PRRC2C: variants seen among roughly 807,000 people sequenced by gnomAD.
PRRC2C encodes the protein proline rich coiled-coil 2C.
In PRRC2C, 72 loss-of-function variants were observed where a neutral mutation model predicts 317.2. The observed-to-expected ratio is 0.23, with a 90% CI of 0.19 to 0.28. PRRC2C has a LOEUF of 0.28. Ranked by LOEUF, PRRC2C falls within the 10% of genes least tolerant of loss-of-function variation. The probability of loss-of-function intolerance (pLI) is 1.00; values close to 1 mark genes in which losing one functional copy is unlikely to be tolerated. For missense variants in PRRC2C, 3,074 were observed against 3,459.7 expected, an observed-to-expected ratio of 0.89 and a Z score of 2.80; for synonymous variants, 1,296 against 1,205.9, an observed-to-expected ratio of 1.07 and a Z score of -1.55.
Position 171,532,934 on chromosome 1 carries a change from C to G in PRRC2C, c.1846C>G (p.Gln616Glu), listed in dbSNP as rs1676135403. ...EPNLEPMVEKQESENSCNKEE... is the reference protein window; with the variant it reads ...EPNLEPMVEKEESENSCNKEE... Reference sequence around the variant, plus strand: ...TAATTTAGAGCCCATGGTAGAAAAACAAGAAAGTGAAAACAGCTGTAATAA... The same window carrying G: ...TAATTTAGAGCCCATGGTAGAAAAAGAAGAAAGTGAAAACAGCTGTAATAA... The change falls in exon 12 of 35, where the codon CAA becomes GAA. Residue 616 changes from glutamine (Q) to glutamate (E), a missense_variant. Physicochemically the swap from Gln to Glu is conservative, Grantham distance 29. This residue lies in a region of PRRC2C where 1,320 missense variants were observed against 1,395.7 expected (regional missense o/e 0.95). Transcript: ENST00000647382. 6.4e-7 allele frequency: 1 copy of G among 1,561,204 alleles called. No homozygotes were observed. The highest frequency in any genetic ancestry group is 1.4e-5 in the African/African-American group (1 of 71,962).
chr1:171,541,687 A>C lies in PRRC2C; in HGVS notation c.4221A>C (p.Arg1407=). The part of the protein sequence containing the change: ...EQFIPIAADK[R]PPKFERKFDP... Reference sequence around the variant, plus strand: ...TTATTCCTATAGCAGCAGATAAACGACCTCCAAAATTTGAGCGAAAATTTG... The same window carrying C: ...TTATTCCTATAGCAGCAGATAAACGCCCTCCAAAATTTGAGCGAAAATTTG... Residue 1407 remains arginine (R), a synonymous_variant, in exon 16 of 35, where the codon CGA becomes CGC. Coordinates refer to ENST00000647382, the MANE Select transcript of PRRC2C (RefSeq NM_001387844.1). This position sits in a 1 kb window ranked among gnomAD's most constrained non-coding sequence, Gnocchi z 4.1. 6.2e-7 allele frequency: 1 copy of C among 1,613,834 alleles called. No individual in the cohort carries two copies. Among genetic ancestry groups the C allele is most frequent in the Non-Finnish European group, 8.5e-7 (1 of 1,179,862 alleles).
chr1:171,512,306 G>T (rs780839729), intron 2 of PRRC2C, 106 bp downstream of exon 2: 1 of 806,034 alleles, frequency 1.2e-6, no homozygotes, highest in Non-Finnish European at 2.1e-6. Context: ...TTAATACAAT[G>T]CTATTTACAT....
Position 171,591,883 on chromosome 1 carries a change from CG to C in PRRC2C, c.*39del. On this transcript the variant is annotated 3_prime_UTR_variant, in exon 35 of 35. Transcript: ENST00000647382. ...TTATTGCAGGGGATTGGGAGGGGGG[CG>C]GGAAAACATGGAGAATTAAGTCAGA... 1.8e-6 allele frequency: 2 copies of C among 1,126,344 alleles called. No homozygotes were observed. Among genetic ancestry groups the C allele is most frequent in the Non-Finnish European group, 1.2e-6 (1 of 856,596 alleles). The allele number at this position is 1,126,344 out of a possible 1,614,324, so 69.8% of individuals were successfully genotyped here.
At chr1:171,579,530 A>G (rs1648026109) in intron 27 of PRRC2C, 64 bp downstream of exon 27, 1 of 1,555,856 alleles carries the variant, frequency 6.4e-7, no homozygotes, top group Non-Finnish European at 8.7e-7. Context: ...TATAATAGTT[A>G]TCTTGGAACA....
chr1:171,508,751 T>C (rs1425623512), intron 1 of PRRC2C, among the ~76,000 whole-genome samples: 1 of 152,250 alleles, frequency 6.6e-6, no homozygotes, highest in East Asian at 1.9e-4. Flanking sequence ...CTTACTAACA[T>C]TTCTCTAGTG....
intron 34 of PRRC2C, among the ~76,000 whole-genome samples, chr1:171,589,991 T>C (rs966348677): frequency 2.7e-5 from 4 of 150,882 alleles, no homozygotes; most frequent in Non-Finnish European, 5.9e-5. Context: ...TTCTTTTTTT[T>C]TTTTTTTTTA....
Position 171,572,462 on chromosome 1 carries a change from A to G in PRRC2C, c.6753+1041A>G, listed in dbSNP as rs144400607. On this transcript the variant is annotated intron_variant, in intron 24 of 34. Transcript: ENST00000647382. Reference sequence around the variant, plus strand: ...TTTGTTGTTCTACAGTGTGGCCAATATTCATTTTGGACTCATATTACTTTT... The same window carrying G: ...TTTGTTGTTCTACAGTGTGGCCAATGTTCATTTTGGACTCATATTACTTTT... 1.9e-4 allele frequency among the ~76,000 whole-genome samples: 29 copies of G among 152,288 alleles called. No homozygotes were observed. The East Asian group carries it at 5.2e-3, about 27-fold the overall frequency.
chr1:171,527,424 C>T (rs1322788814), intron 10 of PRRC2C, among the ~76,000 whole-genome samples: 1 of 152,100 alleles, frequency 6.6e-6, no homozygotes, highest in Admixed American at 6.6e-5. Context: ...TGAATCACCG[C>T]ACCCAGCAGA....
At chr1:171,487,433 C>T (rs1018812963) in intron 1 of PRRC2C, among the ~76,000 whole-genome samples, 2 of 152,058 alleles carry the variant, frequency 1.3e-5, no homozygotes, top group African/African-American at 4.8e-5. Context: ...TTTAGCTTGA[C>T]TAGTATATGA....
chr1:171,525,743 G>A (rs1355328082), intron 10 of PRRC2C, among the ~76,000 whole-genome samples: 2 of 152,188 alleles, frequency 1.3e-5, no homozygotes, highest in Non-Finnish European at 2.9e-5. Flanking sequence ...AGAAGACTAA[G>A]TACTTGAGCT....
At chr1:171,535,204 T>C (rs974013894) in intron 12 of PRRC2C, among the ~76,000 whole-genome samples, 2 of 152,184 alleles carry the variant, frequency 1.3e-5, no homozygotes, top group Non-Finnish European at 2.9e-5. Flanking sequence ...TTTGGATCTC[T>C]GCTCTCCATC....
intron 10 of PRRC2C, among the ~76,000 whole-genome samples, chr1:171,525,794 A>G (rs970448282): frequency 6.6e-6 from 1 of 152,208 alleles, no homozygotes; most frequent in South Asian, 2.1e-4. Flanking sequence ...TAGAAAGGGA[A>G]TATAGCTGTT....
chr1:171,493,681 G>T (rs1016004987), intron 1 of PRRC2C, among the ~76,000 whole-genome samples: 7 of 152,092 alleles, frequency 4.6e-5, no homozygotes, highest in African/African-American at 1.7e-4. Context: ...TTAGTCAGTT[G>T]TGGTGGCAGG....
Position 171,550,071 on chromosome 1 carries a change from T to C in PRRC2C, c.4973-15T>C, listed in dbSNP as rs140647469. 1.4e-4 allele frequency: 223 copies of C among 1,567,786 alleles called. 3 individuals are homozygous for C. In the East Asian group the frequency reaches 4.4e-3, roughly 31 times the overall value. On this transcript the variant is annotated splice_polypyrimidine_tract_variant and intron_variant, in intron 17 of 34. Coordinates refer to ENST00000647382, the MANE Select transcript of PRRC2C (RefSeq NM_001387844.1). The stretch of plus-strand genomic sequence containing the variant: ...AAAAACAGAAAATATCTTAAATCCT[T>C]TCCCACACCCACAGGTGTTGTTATA...
chr1:171,542,306 C>G (rs1405423486), intron 16 of PRRC2C, 77 bp downstream of exon 16: 2 of 1,245,616 alleles, frequency 1.6e-6, no homozygotes, highest in African/African-American at 3.1e-5. Context: ...TTGAATTATG[C>G]AAAGAGCCAG....
chr1:171,559,741 G>A (rs7522026), intron 19 of PRRC2C, among the ~76,000 whole-genome samples: 18,749 of 151,878 alleles, frequency 0.12, 1,229 homozygotes, highest in East Asian at 0.21. Context: ...GGCTGGTCTC[G>A]AACCCCTGAC....
Position 171,540,332 on chromosome 1 carries a change from A to G in PRRC2C, c.2866A>G (p.Ile956Val). 6.2e-7 allele frequency: 1 copy of G among 1,613,538 alleles called. No homozygotes were observed. The highest frequency in any genetic ancestry group is 8.5e-7 in the Non-Finnish European group (1 of 1,179,756). The change falls in exon 16 of 35, where the codon ATT (isoleucine) becomes GTT (valine). Residue 956 changes from isoleucine to valine, a missense_variant. Physicochemically the swap from Ile to Val is conservative, Grantham distance 29. Transcript: ENST00000647382. ...AGIPKVTSRC[I>V]DSKEPIERPE... ...CATTCCTAAAGTAACCAGCAGATGCATTGATTCAAAAGAACCAATAGAAAG... is the reference window on the plus strand; with the variant it reads ...CATTCCTAAAGTAACCAGCAGATGCGTTGATTCAAAAGAACCAATAGAAAG...
chr1:171,576,803 C>A (rs1685771478), intron 25 of PRRC2C, among the ~76,000 whole-genome samples: 1 of 151,984 alleles, frequency 6.6e-6, no homozygotes, highest in Non-Finnish European at 1.5e-5. Flanking sequence ...AGCAATCCTT[C>A]CATCTCAGCC....
intron 15 of PRRC2C, among the ~76,000 whole-genome samples, chr1:171,538,187 G>A (rs901534639): frequency 2.6e-5 from 4 of 152,164 alleles, no homozygotes; most frequent in Admixed American, 6.5e-5. Flanking sequence ...TGTTGCCCAG[G>A]CTGGTCTTGA....
Sources: allele counts gnomAD v4.1 joint callset (sites outside exome capture counted in the v4.1 genomes callset), GRCh38; gene constraint gnomAD v4.1.1; regional missense constraint gnomAD v4.1.1; non-coding constraint Gnocchi (gnomAD v3.1); transcripts MANE v1.5; gene names NCBI Gene and HGNC (gene_info 2026-07-23, HGNC 2026-07-21).